Variants in KCND2 observed in about 807,000 individuals in gnomAD.
KCND2 encodes the protein potassium voltage-gated channel subfamily D member 2.
Under a neutral mutation model 54.4 loss-of-function variants are expected in KCND2, and 16 were observed. That is an observed-to-expected ratio of 0.29 (90% confidence interval 0.20 to 0.45). The LOEUF (loss-of-function observed/expected upper bound fraction) is 0.45, where lower values mean the gene tolerates loss of function less well. KCND2 is among the 20% of genes least tolerant of loss of function. KCND2 has a pLI of 1.00. For synonymous variants in KCND2, 317 were observed against 310.7 expected, an observed-to-expected ratio of 1.02 and a Z score of -0.21; for missense variants, 486 against 824.2, an observed-to-expected ratio of 0.59 and a Z score of 5.02.
At chr7:120,285,520 CTG>C (rs1467202101) in intron 1 of KCND2, among the ~76,000 whole-genome samples, 1 of 151,886 alleles carries the variant, frequency 6.6e-6, no homozygotes, top group African/African-American at 2.4e-5. Context: ...GGATACATCA[CTG>C]TGAAATAGGA....
chr7:120,616,700 A>G (rs900995710), intron 1 of KCND2, among the ~76,000 whole-genome samples: 2 of 152,180 alleles, frequency 1.3e-5, no homozygotes, highest in Non-Finnish European at 1.5e-5. Context: ...AAAGGTAAAC[A>G]TTTTGTGAAA....
At chr7:120,596,720 C>A (rs377124081) in intron 1 of KCND2, among the ~76,000 whole-genome samples, 10 of 115,284 alleles carry the variant, frequency 8.7e-5, no homozygotes, top group Non-Finnish European at 4.1e-5. Context: ...CATCCTGTTA[C>A]GGTTACCATA....
At chr7:120,559,234 A>T (rs189076371) in intron 1 of KCND2, among the ~76,000 whole-genome samples, 1 of 152,308 alleles carries the variant, frequency 6.6e-6, no homozygotes, top group Admixed American at 6.5e-5. Flanking sequence ...TTTTCTAATA[A>T]TTTTTCAAAT....
At chr7:120,709,814 T>TA (rs1404211180) in intron 1 of KCND2, among the ~76,000 whole-genome samples, 5 of 152,148 alleles carry the variant, frequency 3.3e-5, no homozygotes, top group Admixed American at 6.6e-5. Context: ...ACTGAACTCT[T>TA]ACATACCATG....
chr7:120,651,598 C>T lies in KCND2; in HGVS notation c.1116-81305C>T, dbSNP rs147834941. The stretch of plus-strand genomic sequence containing the variant: ...CAATGCCTTGCCCTGCTTCAGCTCA[C>T]GCTCGATGGGCTGCACCCACTGTCC... On this transcript the variant is annotated intron_variant, in intron 1 of 5. Coordinates refer to ENST00000331113, the MANE Select transcript of KCND2 (RefSeq NM_012281.3). 1.5e-4 allele frequency among the ~76,000 whole-genome samples: 23 copies of T among 152,250 alleles called. No homozygotes were observed. The East Asian group carries it at 2.3e-3, about 15-fold the overall frequency.
intron 1 of KCND2, among the ~76,000 whole-genome samples, chr7:120,657,421 T>C (rs1039745595): frequency 6.6e-6 from 1 of 152,188 alleles, no homozygotes; most frequent in Non-Finnish European, 1.5e-5. Flanking sequence ...CATTTGGGTC[T>C]ATAGCTGGCT....
chr7:120,534,111 A>G (rs1392591865), intron 1 of KCND2, among the ~76,000 whole-genome samples: 1 of 151,810 alleles, frequency 6.6e-6, no homozygotes, highest in Non-Finnish European at 1.5e-5. Flanking sequence ...CTCCCACCTC[A>G]AAGAGGTGAA....
chr7:120,575,012 TAAAC>T (rs1264295862), intron 1 of KCND2, among the ~76,000 whole-genome samples: 5 of 151,368 alleles, frequency 3.3e-5, no homozygotes, highest in African/African-American at 1.2e-4. Flanking sequence ...ATTAAAAAAA[TAAAC>T]AACGACTCTT....
At chr7:120,585,661 A>G (rs41483447) in intron 1 of KCND2, among the ~76,000 whole-genome samples, 1,596 of 152,226 alleles carry the variant, frequency 0.01, 31 homozygotes, top group African/African-American at 0.036. Flanking sequence ...ATCCATATAA[A>G]TAGGTAAAGA....
intron 1 of KCND2, among the ~76,000 whole-genome samples, chr7:120,387,487 C>T (rs913153387): frequency 2.6e-5 from 4 of 151,848 alleles, no homozygotes; most frequent in South Asian, 2.1e-4. Flanking sequence ...ATCTCATAAA[C>T]GAAATAGGGA....
At chr7:120,594,697 G>A (rs924094555) in intron 1 of KCND2, among the ~76,000 whole-genome samples, 6 of 152,132 alleles carry the variant, frequency 3.9e-5, no homozygotes, top group Non-Finnish European at 8.8e-5. Context: ...CAAACTTACT[G>A]AGACAGCTAA....
chr7:120,314,386 A>C (rs2116319667), intron 1 of KCND2, among the ~76,000 whole-genome samples: 1 of 152,198 alleles, frequency 6.6e-6, no homozygotes, highest in Middle Eastern at 3.4e-3. Flanking sequence ...GAGAAAAGAT[A>C]ATATGGTTCT....
chr7:120,396,744 G>A (rs1012631055), intron 1 of KCND2, among the ~76,000 whole-genome samples: 7 of 151,882 alleles, frequency 4.6e-5, no homozygotes, highest in Admixed American at 3.3e-4. Context: ...TGAGCCATTG[G>A]TCCTAGGTAA....
At chr7:120,344,733 C>G (rs983565893) in intron 1 of KCND2, among the ~76,000 whole-genome samples, 5 of 152,078 alleles carry the variant, frequency 3.3e-5, no homozygotes, top group African/African-American at 9.7e-5. Flanking sequence ...CTTTTTCTTT[C>G]TTTCGTCTTC....
intron 1 of KCND2, among the ~76,000 whole-genome samples, chr7:120,550,316 A>G (rs1209764054): frequency 3.3e-5 from 5 of 152,016 alleles, no homozygotes; most frequent in East Asian, 1.9e-4. Context: ...CCAATGGGGG[A>G]AAAAAATGAG....
rs1173354955 is a variant in KCND2, at chr7:120,273,392, G to T, written c.-1241G>T. On this transcript the variant is annotated 5_prime_UTR_variant, in exon 1 of 6. Coordinates refer to ENST00000331113, the MANE Select transcript of KCND2 (RefSeq NM_012281.3). ...CCGGCCCCGGCCCCGGCCCCACCGC[G>T]CCAACGCCGCCCGCCCGGCCGCCCC... 6.8e-6 allele frequency among the ~76,000 whole-genome samples: 1 copy of T among 147,388 alleles called. No homozygotes were observed. The highest frequency in any genetic ancestry group is 2.4e-5 in the African/African-American group (1 of 40,866).
chr7:120,274,938 G>A lies in KCND2; in HGVS notation c.306G>A (p.Gly102=), dbSNP rs745819408. ...ACATCCTGAATTTCTACCGCACTGG[G>A]AAGCTCCACTATCCTCGCCACGAGT... ...FRHILNFYRT[G]KLHYPRHECI... Residue 102 remains glycine, a synonymous_variant, in exon 1 of 6, where the codon GGG becomes GGA. Transcript: ENST00000331113. 1 of 1,614,068 alleles carries A rather than the reference G, an allele frequency of 6.2e-7. No individual in the cohort carries two copies. Among genetic ancestry groups the A allele is most frequent in the Admixed American group, 1.7e-5 (1 of 60,006 alleles).
At chr7:120,436,371 A>G (rs982170723) in intron 1 of KCND2, among the ~76,000 whole-genome samples, 2 of 152,024 alleles carry the variant, frequency 1.3e-5, no homozygotes, top group African/African-American at 4.8e-5. Context: ...AGTAGATAAA[A>G]TAATTATCTG....
intron 1 of KCND2, among the ~76,000 whole-genome samples, chr7:120,589,695 T>C (rs554264969): frequency 6.6e-5 from 10 of 152,236 alleles, no homozygotes; most frequent in Non-Finnish European, 1.0e-4. Flanking sequence ...ATAAATGCCA[T>C]ACTTTTTTAA....
Sources: allele counts gnomAD v4.1 joint callset (sites outside exome capture counted in the v4.1 genomes callset), GRCh38; gene constraint gnomAD v4.1.1; transcripts MANE v1.5; gene names NCBI Gene and HGNC (gene_info 2026-07-23, HGNC 2026-07-21).